The following ADAM23 variants were observed in gnomAD, a reference collection of about 807,000 sequenced individuals.
The protein encoded by ADAM23 is ADAM metallopeptidase domain 23.
A neutral mutation model predicts 120.1 loss-of-function variants in ADAM23; 33 were observed. The ratio of observed to expected loss-of-function variants is 0.27; its 90% confidence interval spans 0.21 to 0.37. The LOEUF (loss-of-function observed/expected upper bound fraction) is 0.37, where lower values mean the gene tolerates loss of function less well. Among genes scored for constraint, ADAM23 ranks in the 10% least tolerant of loss-of-function variants. The probability of loss-of-function intolerance (pLI) is 1.00; values close to 1 mark genes in which losing one functional copy is unlikely to be tolerated. For missense variants in ADAM23, 862 were observed against 1,058.2 expected (o/e 0.81, Z 2.57); for synonymous variants, 367 against 375.2 (o/e 0.98, Z 0.25).
At chr2:206,458,025 T>C (rs1311056060) in intron 2 of ADAM23, among the ~76,000 whole-genome samples, 1 of 152,212 alleles carries the variant, frequency 6.6e-6, no homozygotes. Flanking sequence ...ATTTTAACGA[T>C]CCAGTGTAGC....
rs183845478 is a variant in ADAM23 at position 206,501,700 on chromosome 2, G to A, written c.509+20392G>A. ...AGGAGATTTTTATAGTCTGAAAAGGGATATTTTGAGTCTATAAGAACTTTT... is the reference window on the plus strand; with the variant it reads ...AGGAGATTTTTATAGTCTGAAAAGGAATATTTTGAGTCTATAAGAACTTTT... On this transcript the variant is annotated intron_variant, in intron 3 of 25. Coordinates refer to ENST00000264377, the MANE Select transcript of ADAM23 (RefSeq NM_003812.4). 2.9e-3 allele frequency among the ~76,000 whole-genome samples: 445 copies of A among 152,132 alleles called. 1 individual carries two copies. Among genetic ancestry groups the A allele is most frequent in the Non-Finnish European group, 4.6e-3 (314 of 67,972 alleles).
Position 206,489,901 on chromosome 2 carries a change from A to G in ADAM23, c.509+8593A>G, listed in dbSNP as rs114819170. Among the ~76,000 whole-genome samples, 821 of 152,340 alleles carry G rather than the reference A, an allele frequency of 5.4e-3. 16 individuals are homozygous for G. The highest frequency in any genetic ancestry group is 0.019 in the African/African-American group (793 of 41,582). ...TGTAACTATATGAGGAAAACACGGAAGGTCCCAAATAGGATTGAAAATAAT... is the reference window on the plus strand; with the variant it reads ...TGTAACTATATGAGGAAAACACGGAGGGTCCCAAATAGGATTGAAAATAAT... On this transcript the variant is annotated intron_variant, in intron 3 of 25. Transcript: ENST00000264377.
At chr2:206,499,545 C>T (rs562224351) in intron 3 of ADAM23, among the ~76,000 whole-genome samples, 89 of 151,160 alleles carry the variant, frequency 5.9e-4, no homozygotes, top group South Asian at 1.5e-3. Context: ...TGCTAAATGA[C>T]GAGTTAATGG....
chr2:206,533,404 C>T (rs1256419677), intron 4 of ADAM23, among the ~76,000 whole-genome samples: 1 of 152,056 alleles, frequency 6.6e-6, no homozygotes, highest in African/African-American at 2.4e-5. Context: ...GGGGTTTCAC[C>T]ATGTTGGTCA....
chr2:206,469,749 C>T (rs2105867492), intron 2 of ADAM23, among the ~76,000 whole-genome samples: 1 of 152,306 alleles, frequency 6.6e-6, no homozygotes, highest in African/African-American at 2.4e-5. Context: ...TCTAGTCTCC[C>T]TCCACTTGAC....
At chr2:206,499,523 A>C (rs968861821) in intron 3 of ADAM23, among the ~76,000 whole-genome samples, 1 of 151,262 alleles carries the variant, frequency 6.6e-6, no homozygotes, top group Non-Finnish European at 1.5e-5. Context: ...TAGCATTAGG[A>C]GATATACCTA....
rs569233082 is a variant in ADAM23, at chr2:206,485,580, A to T, written c.509+4272A>T. ...ACCTGACAGGAGTTCCTGAGAGGAG[A>T]GCCTGGTTTGCATCTGGCTTGTGGA... On this transcript the variant is annotated intron_variant, in intron 3 of 25. Transcript: ENST00000264377. Among the ~76,000 whole-genome samples, 568 of 152,300 alleles carry T rather than the reference A, an allele frequency of 3.7e-3. 3 individuals carry two copies. Among genetic ancestry groups the T allele is most frequent in the African/African-American group, 0.013 (544 of 41,550 alleles).
chr2:206,617,539 TC>T (rs757669599), intron 25 of ADAM23, 39 bp from the exon 26 acceptor site: 1 of 1,571,262 alleles, frequency 6.4e-7, no homozygotes, highest in Non-Finnish European at 8.7e-7. Flanking sequence ...TTGTGGATTT[TC>T]CCCCTCTGCT....
At chr2:206,608,109 C>T (rs1698763454) in intron 24 of ADAM23, 1 of 324,640 alleles carries the variant, frequency 3.1e-6, no homozygotes, top group Non-Finnish European at 6.0e-6. Context: ...TTCTCTAAAA[C>T]AGAAGTTAGC....
chr2:206,499,233 C>G (rs1226204516), intron 3 of ADAM23, among the ~76,000 whole-genome samples: 1 of 151,940 alleles, frequency 6.6e-6, no homozygotes, highest in African/African-American at 2.4e-5. Context: ...ATAGCAAAGA[C>G]TTGGAACCAA....
intron 2 of ADAM23, among the ~76,000 whole-genome samples, chr2:206,467,864 C>G (rs1231256452): frequency 6.6e-6 from 1 of 152,166 alleles, no homozygotes; most frequent in Non-Finnish European, 1.5e-5. Flanking sequence ...TCCCAAGCCT[C>G]AACTCTTATA....
chr2:206,569,469 A>G (rs1018427206), intron 15 of ADAM23, among the ~76,000 whole-genome samples: 1 of 152,148 alleles, frequency 6.6e-6, no homozygotes, highest in African/African-American at 2.4e-5. Flanking sequence ...GAATGTATGT[A>G]TATGCATGTG....
intron 22 of ADAM23, 94 bp from the exon 23 acceptor site, chr2:206,594,643 C>T: frequency 2.1e-6 from 3 of 1,414,084 alleles, no homozygotes; most frequent in Non-Finnish European, 2.9e-6. Flanking sequence ...CATCCACTGA[C>T]AGCCTCTTCG....
At chr2:206,460,790 G>A (rs1340353502) in intron 2 of ADAM23, among the ~76,000 whole-genome samples, 2 of 152,076 alleles carry the variant, frequency 1.3e-5, no homozygotes, top group African/African-American at 4.8e-5. Flanking sequence ...TGCATTTGGT[G>A]TTATATTCAA....
chr2:206,486,740 C>T (rs1317988665), intron 3 of ADAM23, among the ~76,000 whole-genome samples: 1 of 152,140 alleles, frequency 6.6e-6, no homozygotes, highest in Non-Finnish European at 1.5e-5. Context: ...CGACCGTCAT[C>T]ACCTATCATA....
chr2:206,607,701 A>G (rs1197724829), intron 24 of ADAM23, among the ~76,000 whole-genome samples: 1 of 152,124 alleles, frequency 6.6e-6, no homozygotes, highest in Non-Finnish European at 1.5e-5. Flanking sequence ...TTCCTGGTTT[A>G]TGAGCACTAG....
chr2:206,580,474 T>A (rs145839982), intron 18 of ADAM23, among the ~76,000 whole-genome samples: 1 of 152,200 alleles, frequency 6.6e-6, no homozygotes, highest in Non-Finnish European at 1.5e-5. Context: ...ATTGAGATGA[T>A]CATGTGATTT....
intron 19 of ADAM23, among the ~76,000 whole-genome samples, 156 bp downstream of exon 19, chr2:206,587,531 C>T (rs1303336737): frequency 6.6e-6 from 1 of 150,916 alleles, no homozygotes; most frequent in Non-Finnish European, 1.5e-5. Context: ...TCATGTTATG[C>T]CAAATATTAA....
chr2:206,479,338 A>C (rs1160478467), intron 2 of ADAM23, among the ~76,000 whole-genome samples: 1 of 152,134 alleles, frequency 6.6e-6, no homozygotes, highest in African/African-American at 2.4e-5. Context: ...GTCTCTGTCA[A>C]GTTCTTCTTA....
Sources: gnomAD v4.1 joint callset for allele counts (sites outside exome capture counted in the v4.1 genomes callset) on GRCh38, gnomAD v4.1.1 for gene constraint, MANE v1.5 for transcripts, NCBI Gene and HGNC (gene_info 2026-07-23, HGNC 2026-07-21) for gene names.